Variants in ZNF83 observed in about 807,000 individuals in gnomAD.
ZNF83 encodes zinc finger protein 816B.
For synonymous variants in ZNF83, 209 were observed against 213.0 expected (o/e 0.98, Z 0.17); for missense variants, 552 against 629.9 (o/e 0.88, Z 1.32).
At chr19:52,662,470 C>T (rs919901048) in intron 1 of ZNF83, among the ~76,000 whole-genome samples, 5 of 151,616 alleles carry the variant, frequency 3.3e-5, no homozygotes, top group African/African-American at 7.3e-5. Flanking sequence ...TGAAATGACA[C>T]GATATGGAAG....
At chr19:52,668,962 C>T (rs1430953493) in intron 1 of ZNF83, among the ~76,000 whole-genome samples, 5 of 152,206 alleles carry the variant, frequency 3.3e-5, no homozygotes, top group African/African-American at 1.2e-4. Context: ...CAACTCCCAA[C>T]ACTAAGTTCA....
chr19:52,679,695 C>T (rs1280449619), intron 1 of ZNF83, among the ~76,000 whole-genome samples: 1 of 152,174 alleles, frequency 6.6e-6, no homozygotes, highest in African/African-American at 2.4e-5. Flanking sequence ...ACCTGGTCCA[C>T]GCTGACAATT....
intron 1 of ZNF83, among the ~76,000 whole-genome samples, chr19:52,677,306 TAAAAAAAAAAA>T (rs67835464): frequency 0.19 from 20,024 of 106,484 alleles, 1,525 homozygotes; most frequent in Admixed American, 0.21. Context: ...AATTGAGAAG[TAAAAAAAAAAA>T]AAAAAAAAAA....
At chr19:52,619,626 CAAA>C (rs34008173) in intron 2 of ZNF83, among the ~76,000 whole-genome samples, 2 of 111,850 alleles carry the variant, frequency 1.8e-5, no homozygotes, top group Admixed American at 9.4e-5. Context: ...ACTCCATCTC[CAAA>C]AAAAAAAAAA....
At chr19:52,623,329 G>T (rs1047781722) in intron 2 of ZNF83, among the ~76,000 whole-genome samples, 7 of 152,112 alleles carry the variant, frequency 4.6e-5, no homozygotes, top group Non-Finnish European at 1.0e-4. Flanking sequence ...TGATACAGGG[G>T]CTAACCACTC....
At chr19:52,687,899 G>T (rs999303191) in intron 1 of ZNF83, among the ~76,000 whole-genome samples, 1 of 151,234 alleles carries the variant, frequency 6.6e-6, no homozygotes, top group Non-Finnish European at 1.5e-5. Context: ...ACTGCCCCAC[G>T]TCCTACCCCA....
At position 52,687,656 on chromosome 19, in the gene ZNF83, T is replaced by TG. The variant is rs1215669548; in HGVS notation, c.-283+2786_-283+2787insC. Among the ~76,000 whole-genome samples the TG allele has an allele frequency of 2.7e-4, 5 of 18,682 alleles. No homozygotes were observed. The African/African-American group carries it at 4.4e-3, about 17-fold the overall frequency. The allele number at this position is 18,682 out of a possible 152,430, so 12.3% of individuals were successfully genotyped here. A position where few individuals can be genotyped will look rare whatever the true frequency, so the allele number is the denominator to read the frequency against. On this transcript the variant is annotated intron_variant, in intron 1 of 5. Transcript: ENST00000594682. ...ATGTATATATATATATATATATATA[T>TG]AATGTATATATATATATAACTAGCC...
At chr19:52,629,892 A>G (rs7249596) in intron 2 of ZNF83, among the ~76,000 whole-genome samples, 19,736 of 150,544 alleles carry the variant, frequency 0.13, 831 homozygotes, top group South Asian at 0.21. Context: ...AATTAACCTC[A>G]CCTTCAAGGT....
At chr19:52,667,689 G>T (rs1470834014) in intron 1 of ZNF83, among the ~76,000 whole-genome samples, 4 of 152,068 alleles carry the variant, frequency 2.6e-5, no homozygotes, top group African/African-American at 9.7e-5. Context: ...GTTTTTCTGT[G>T]AACTGGATAT....
At position 52,687,641 on chromosome 19, in the gene ZNF83, A is replaced by G. The variant is rs868798051; in HGVS notation, c.-283+2802T>C. Among the ~76,000 whole-genome samples the G allele has an allele frequency of 1.5e-3, 59 of 38,274 alleles. 2 individuals are homozygous for G. The African/African-American group carries it at 0.016, about 11-fold the overall frequency. 25.1% of individuals were successfully genotyped at this position (38,274 alleles called of 152,430 possible). A position where few individuals can be genotyped will look rare whatever the true frequency, so the allele number is the denominator to read the frequency against. On this transcript the variant is annotated intron_variant, in intron 1 of 5. Transcript: ENST00000594682. The stretch of plus-strand genomic sequence containing the variant: ...GTATATATATATATAATGTATATAT[A>G]TATATATATATATATAATGTATATA...
chr19:52,639,415 A>ATTTTTTTTTTTTTTTTTTTT (rs1160711365), upstream of ZNF83, among the ~76,000 whole-genome samples: 4 of 86,300 alleles, frequency 4.6e-5, no homozygotes, highest in Admixed American at 1.7e-4. Context: ...AGTTTTTTCT[A>ATTTTTTTTTTTTTTTTTTTT]TTTTTTTTTT....
chr19:52,624,149 T>C (rs2060650346), intron 2 of ZNF83, among the ~76,000 whole-genome samples: 3 of 152,202 alleles, frequency 2.0e-5, no homozygotes, highest in African/African-American at 7.2e-5. Context: ...CATGATTTAC[T>C]TTCTTTTCAC....
chr19:52,675,875 C>G (rs1157374313), intron 1 of ZNF83, among the ~76,000 whole-genome samples: 8 of 152,138 alleles, frequency 5.3e-5, no homozygotes, highest in Non-Finnish European at 1.2e-4. Flanking sequence ...ATACAAATTA[C>G]AATATGGGCA....
chr19:52,659,747 G>T (rs1328295275), intron 2 of ZNF83, among the ~76,000 whole-genome samples: 1 of 152,048 alleles, frequency 6.6e-6, no homozygotes. Flanking sequence ...AACACCTTAA[G>T]AATATCCAAC....
intron 2 of ZNF83, among the ~76,000 whole-genome samples, chr19:52,633,270 G>C (rs1173491983): frequency 1.4e-5 from 2 of 143,442 alleles, no homozygotes; most frequent in Non-Finnish European, 3.0e-5. Flanking sequence ...CCTATAAAAC[G>C]GCCCCACCCC....
At chr19:52,615,867 T>C (rs2060285888) in intron 2 of ZNF83, among the ~76,000 whole-genome samples, 1 of 152,204 alleles carries the variant, frequency 6.6e-6, no homozygotes, top group African/African-American at 2.4e-5. Context: ...AGACGAAGTC[T>C]CACTCTTGTG....
intron 1 of ZNF83, among the ~76,000 whole-genome samples, chr19:52,683,991 C>T (rs1034335314): frequency 9.2e-5 from 14 of 152,054 alleles, no homozygotes; most frequent in South Asian, 6.2e-4. Context: ...TCCAGTACAC[C>T]GGGAGACCAA....
intron 1 of ZNF83, among the ~76,000 whole-genome samples, chr19:52,678,655 A>G (rs1457128045): frequency 6.6e-6 from 1 of 151,938 alleles, no homozygotes; most frequent in Non-Finnish European, 1.5e-5. Context: ...TCATGGAGAC[A>G]CCAACTCAAC....
intron 2 of ZNF83, among the ~76,000 whole-genome samples, chr19:52,622,398 A>G (rs2060582322): frequency 1.3e-5 from 2 of 151,766 alleles, no homozygotes; most frequent in Admixed American, 1.3e-4. Flanking sequence ...CCTACCTTCT[A>G]CCCTTTCCCC....
Sources: gnomAD v4.1 joint callset for allele counts (sites outside exome capture counted in the v4.1 genomes callset) on GRCh38, gnomAD v4.1.1 for gene constraint, MANE v1.5 for transcripts, NCBI Gene and HGNC (gene_info 2026-07-23, HGNC 2026-07-21) for gene names.